The following AGBL1 variants were observed in gnomAD, a reference collection of about 807,000 sequenced individuals.
The protein encoded by AGBL1 is cytosolic carboxypeptidase 4.
A neutral mutation model predicts 118.9 loss-of-function variants in AGBL1; 130 were observed. That is an observed-to-expected ratio of 1.09 (90% CI 0.95 to 1.26). AGBL1 has a LOEUF of 1.26. Among genes scored for constraint, AGBL1 ranks in the 50% most tolerant of loss-of-function variants. AGBL1 has a pLI of 0.00. For synonymous variants in AGBL1, 555 were observed against 478.9 expected (o/e 1.16, Z -2.08); for missense variants, 1,584 against 1,298.1 (o/e 1.22, Z -3.38).
intron 23 of AGBL1, among the ~76,000 whole-genome samples, chr15:86,925,247 G>C (rs547661069): frequency 2.0e-5 from 3 of 152,094 alleles, no homozygotes; most frequent in African/African-American, 7.2e-5. Flanking sequence ...TGGGTGGCTT[G>C]TTAAAACAGA....
At chr15:86,508,087 A>C (rs2346701) in intron 18 of AGBL1, among the ~76,000 whole-genome samples, 1 of 149,590 alleles carries the variant, frequency 6.7e-6, no homozygotes, top group Non-Finnish European at 1.5e-5. Flanking sequence ...TGCCCAGCTA[A>C]TTTTTTTTGT....
intron 24 of AGBL1, among the ~76,000 whole-genome samples, chr15:87,009,815 A>G (rs1355773799): frequency 6.6e-6 from 1 of 152,164 alleles, no homozygotes; most frequent in Non-Finnish European, 1.5e-5. Context: ...TGGATTTTGG[A>G]CTTGCATGGG....
chr15:86,322,241 A>C (rs1167601042), intron 17 of AGBL1, among the ~76,000 whole-genome samples: 2 of 151,816 alleles, frequency 1.3e-5, no homozygotes, highest in Admixed American at 1.3e-4. Flanking sequence ...TGTCTGTTTG[A>C]GAGAATTGTG....
intron 1 of AGBL1, among the ~76,000 whole-genome samples, chr15:86,095,466 T>G (rs1896304116): frequency 6.6e-6 from 1 of 152,010 alleles, no homozygotes; most frequent in African/African-American, 2.4e-5. Context: ...CTCTTAGCAC[T>G]CTGGAGATTC....
chr15:86,519,516 C>T (rs1279939817), intron 18 of AGBL1, among the ~76,000 whole-genome samples: 1 of 152,140 alleles, frequency 6.6e-6, no homozygotes, highest in Admixed American at 6.6e-5. Flanking sequence ...ATTATTAACA[C>T]AAAATGCCAA....
chr15:86,414,134 G>C (rs919602117), intron 18 of AGBL1, among the ~76,000 whole-genome samples: 4 of 152,136 alleles, frequency 2.6e-5, no homozygotes, highest in African/African-American at 7.2e-5. Context: ...GTATACACAT[G>C]AACATAGAGT....
chr15:86,950,038 T>C (rs1250770937), intron 23 of AGBL1, among the ~76,000 whole-genome samples: 1 of 151,786 alleles, frequency 6.6e-6, no homozygotes, highest in Non-Finnish European at 1.5e-5. Context: ...TACTTGTAAA[T>C]AAGACAGGGG....
chr15:86,151,329 C>A (rs1393534564), intron 3 of AGBL1, among the ~76,000 whole-genome samples: 3 of 149,654 alleles, frequency 2.0e-5, no homozygotes, highest in Non-Finnish European at 3.0e-5. Flanking sequence ...GCTTATCCAC[C>A]ACAATCAAGT....
At chr15:86,081,217 G>A (rs1350687818) in intron 1 of AGBL1, among the ~76,000 whole-genome samples, 1 of 151,986 alleles carries the variant, frequency 6.6e-6, no homozygotes, top group Non-Finnish European at 1.5e-5. Context: ...CTAATTTTTT[G>A]TATTTTTAGT....
intron 22 of AGBL1, among the ~76,000 whole-genome samples, chr15:86,744,906 G>T (rs2077732892): frequency 6.6e-6 from 1 of 152,098 alleles, no homozygotes; most frequent in African/African-American, 2.4e-5. Flanking sequence ...CTGTTGATCT[G>T]CGGAGCAGCT....
chr15:86,414,644 G>A (rs2081665609), intron 18 of AGBL1, among the ~76,000 whole-genome samples: 1 of 152,148 alleles, frequency 6.6e-6, no homozygotes, highest in African/African-American at 2.4e-5. Flanking sequence ...ATATTAACAT[G>A]CATGGAGACT....
At chr15:86,838,228 C>T (rs975496080) in intron 22 of AGBL1, among the ~76,000 whole-genome samples, 3 of 151,802 alleles carry the variant, frequency 2.0e-5, no homozygotes, top group African/African-American at 4.8e-5. Flanking sequence ...AAAGATTTTA[C>T]ATTCTATTCC....
chr15:86,610,330 C>T lies in AGBL1; in HGVS notation c.2994+55793C>T, dbSNP rs575798987. Reference sequence around the variant, plus strand: ...TTAGTCAACCCAGTGGTTCTTTGGTCCACATAATAGTAAACAAAAGTTTAA... The same window carrying T: ...TTAGTCAACCCAGTGGTTCTTTGGTTCACATAATAGTAAACAAAAGTTTAA... On this transcript the variant is annotated intron_variant, in intron 21 of 22. Transcript: ENST00000614907. Among the ~76,000 whole-genome samples the T allele has an allele frequency of 1.3e-4, 20 of 152,218 alleles. 1 individual carries two copies. The highest frequency in any genetic ancestry group is 1.3e-3 in the Admixed American group (20 of 15,284).
chr15:86,189,221 C>A (rs2077678690), intron 5 of AGBL1, among the ~76,000 whole-genome samples: 1 of 152,076 alleles, frequency 6.6e-6, no homozygotes, highest in South Asian at 2.1e-4. Flanking sequence ...GTTTTAAAAC[C>A]ATGTCCATTT....
At chr15:86,587,386 C>G (rs74523528) in intron 21 of AGBL1, among the ~76,000 whole-genome samples, 9,042 of 152,146 alleles carry the variant, frequency 0.059, 773 homozygotes, top group African/African-American at 0.19. Flanking sequence ...AGATGGAATC[C>G]GAGCTCACCT....
At chr15:86,863,526 G>T (rs2079586824) in intron 22 of AGBL1, among the ~76,000 whole-genome samples, 1 of 148,198 alleles carries the variant, frequency 6.7e-6, no homozygotes, top group Non-Finnish European at 1.5e-5. Context: ...ACTGGGCTCA[G>T]TTTTCTTTGG....
intron 1 of AGBL1, among the ~76,000 whole-genome samples, chr15:86,121,655 T>A (rs1898101614): frequency 6.6e-6 from 1 of 152,224 alleles, no homozygotes; most frequent in African/African-American, 2.4e-5. Flanking sequence ...TCCTCATGGA[T>A]TCTAAGAGGA....
chr15:86,776,332 A>G (rs1416219108), intron 22 of AGBL1, among the ~76,000 whole-genome samples: 1 of 152,084 alleles, frequency 6.6e-6, no homozygotes, highest in Non-Finnish European at 1.5e-5. Context: ...GGTGATATCC[A>G]TGTAGTTGCC....
chr15:87,029,165 T>A (rs2081763018), downstream of AGBL1: 1 of 232,948 alleles, frequency 4.3e-6, no homozygotes. Flanking sequence ...ACATAGATAG[T>A]CTTCTACTCA....
Sources: gnomAD v4.1 joint callset for allele counts (sites outside exome capture counted in the v4.1 genomes callset) on GRCh38, gnomAD v4.1.1 for gene constraint, MANE v1.5 for transcripts, NCBI Gene and HGNC (gene_info 2026-07-23, HGNC 2026-07-21) for gene names.